Variants in RNF43 observed in about 807,000 individuals in gnomAD.
RNF43 encodes E3 ubiquitin-protein ligase RNF43.
RNF43 carries 37 observed loss-of-function variants against 78.4 expected under a neutral mutation model. That is an observed-to-expected ratio of 0.47 (90% CI 0.36 to 0.62). RNF43 has a LOEUF of 0.62. RNF43 is among the 20% of genes least tolerant of loss of function. The probability of loss-of-function intolerance (pLI) is 0.00; values close to 1 mark genes in which losing one functional copy is unlikely to be tolerated. For missense variants in RNF43, 774 were observed against 1,007.9 expected, an observed-to-expected ratio of 0.77 and a Z score of 3.14; for synonymous variants, 347 against 395.0, an observed-to-expected ratio of 0.88 and a Z score of 1.44.
chr17:58,368,103 G>T (rs1471817564), intron 3 of RNF43, among the ~76,000 whole-genome samples: 1 of 152,228 alleles, frequency 6.6e-6, no homozygotes, highest in Non-Finnish European at 1.5e-5. Flanking sequence ...TGGCTTGAGA[G>T]CCCCAGCTCT....
At chr17:58,410,016 G>A (rs764208483) in intron 2 of RNF43, among the ~76,000 whole-genome samples, 2 of 52,520 alleles carry the variant, frequency 3.8e-5, no homozygotes, top group African/African-American at 7.4e-5. Context: ...CCCCAGCCCC[G>A]CCCCCCACCA....
chr17:58,412,288 T>C, intron 2 of RNF43, among the ~76,000 whole-genome samples: 1 of 152,010 alleles, frequency 6.6e-6, no homozygotes, highest in Non-Finnish European at 1.5e-5. Context: ...AAGAAGCAAC[T>C]CTTGGGGAAA....
intron 2 of RNF43, among the ~76,000 whole-genome samples, chr17:58,411,627 G>A (rs1974025647): frequency 6.6e-6 from 1 of 152,156 alleles, no homozygotes; most frequent in Admixed American, 6.5e-5. Flanking sequence ...TGGAGTCTAA[G>A]AAAATCCAGG....
chr17:58,353,011 T>C (rs1454616346), downstream of RNF43: 2 of 217,724 alleles, frequency 9.2e-6, no homozygotes, highest in Non-Finnish European at 1.8e-5. Flanking sequence ...AGGCCCCTTC[T>C]GGCCCTGGAG....
Position 58,358,576 on chromosome 17 carries a change from T to C in RNF43, c.1200A>G (p.Gly400=), listed in dbSNP as rs1465428468. The change falls in exon 9 of 10, where the codon GGA becomes GGG. Residue 400 remains glycine (G), a synonymous_variant. Coordinates refer to ENST00000407977, the MANE Select transcript of RNF43 (RefSeq NM_017763.6). The surrounding 1 kb of genome is among the most constrained non-coding windows in gnomAD (Gnocchi z 6.2). ...FPRAAHPRAP[G]EQQRLAGAQH... ...GGGCTCCTGCCAGGCGCTGCTGCTC[T>C]CCTGGAGCCCGGGGATGTGCAGCTC... The C allele has an allele frequency of 1.2e-6, 2 of 1,600,518 alleles. No homozygotes were observed. Among genetic ancestry groups the C allele is most frequent in the Admixed American group, 3.4e-5 (2 of 58,604 alleles).
At chr17:58,391,655 T>A (rs1266675504) in intron 2 of RNF43, among the ~76,000 whole-genome samples, 1 of 152,146 alleles carries the variant, frequency 6.6e-6, no homozygotes, top group Admixed American at 6.5e-5. Context: ...TTACAGGCAA[T>A]GTGTATCTTG....
At chr17:58,407,282 G>C (rs1293289883) in intron 2 of RNF43, among the ~76,000 whole-genome samples, 2 of 151,942 alleles carry the variant, frequency 1.3e-5, no homozygotes, top group Non-Finnish European at 2.9e-5. Flanking sequence ...GTTTCACCAT[G>C]TTGGCCAGGC....
intron 3 of RNF43, among the ~76,000 whole-genome samples, chr17:58,370,351 C>T (rs765343955): frequency 1.3e-5 from 2 of 151,888 alleles, no homozygotes; most frequent in East Asian, 1.9e-4. Flanking sequence ...TATAGGCGTG[C>T]GCCACCACGC....
chr17:58,391,734 TCCTTCCAAAGCA>T, intron 2 of RNF43, among the ~76,000 whole-genome samples: 1 of 152,030 alleles, frequency 6.6e-6, no homozygotes, highest in South Asian at 2.1e-4. Context: ...CTGGCTGGAG[TCCTTCCAAAGCA>T]CCTCATAGAG....
chr17:58,396,018 A>G (rs1360834085), intron 2 of RNF43, among the ~76,000 whole-genome samples: 2 of 152,154 alleles, frequency 1.3e-5, no homozygotes, highest in Non-Finnish European at 2.9e-5. Flanking sequence ...GCCTGCAGAA[A>G]ACTGTCTCCA....
chr17:58,380,335 C>G (rs1012965525), intron 2 of RNF43, among the ~76,000 whole-genome samples: 1 of 152,170 alleles, frequency 6.6e-6, no homozygotes, highest in East Asian at 1.9e-4. Flanking sequence ...ATATCTAATT[C>G]CCACAGGCCC....
In RNF43 at chr17:58,374,394, C is replaced by CTT. The variant is rs1266131489; in HGVS notation, c.253-3363_253-3362dup. Among the ~76,000 whole-genome samples the CTT allele has an allele frequency of 4.6e-3, 643 of 139,198 alleles. 9 individuals carry two copies. Among genetic ancestry groups the CTT allele is most frequent in the African/African-American group, 0.014 (535 of 37,744 alleles). 91.3% of individuals were successfully genotyped at this position (139,198 alleles called of 152,430 possible). A position where few individuals can be genotyped will look rare whatever the true frequency, so the allele number is the denominator to read the frequency against. ...TAGACCCTCCTCTCTTTTCACTCTT[C>CTT]TTTTTTTTTTTTTTTTGAGACAGAG... On this transcript the variant is annotated intron_variant, in intron 2 of 9. Coordinates refer to ENST00000407977, the MANE Select transcript of RNF43 (RefSeq NM_017763.6).
intron 2 of RNF43, among the ~76,000 whole-genome samples, chr17:58,375,514 A>T (rs1218384293): frequency 6.6e-6 from 1 of 152,218 alleles, no homozygotes; most frequent in Non-Finnish European, 1.5e-5. Context: ...CCAGATGATG[A>T]CTGAGTCTAG....
At position 58,415,741 on chromosome 17, in the gene RNF43, C is replaced by T. The variant is rs543260902; in HGVS notation, c.-164G>A. 6 of 736,694 alleles carry T rather than the reference C, an allele frequency of 8.1e-6. No individual in the cohort carries two copies. The South Asian group carries it at 1.1e-4, about 14-fold the overall frequency. 45.6% of individuals were successfully genotyped at this position (736,694 alleles called of 1,614,324 possible). ...CCCTTCCTTTCTCTAAAGTTTATTCCCAAAAACAGGTAGCATTCCTGATTG... is the reference window on the plus strand; with the variant it reads ...CCCTTCCTTTCTCTAAAGTTTATTCTCAAAAACAGGTAGCATTCCTGATTG... On this transcript the variant is annotated 5_prime_UTR_variant, in exon 2 of 10. Transcript: ENST00000407977.
At chr17:58,364,051 A>C (rs990349439) in intron 3 of RNF43, among the ~76,000 whole-genome samples, 8 of 152,286 alleles carry the variant, frequency 5.3e-5, no homozygotes, top group African/African-American at 1.9e-4. Context: ...TCTCCTTCAG[A>C]GGGAGCTGGG....
chr17:58,402,170 C>T (rs1973815663), intron 2 of RNF43, among the ~76,000 whole-genome samples: 1 of 152,120 alleles, frequency 6.6e-6, no homozygotes, highest in African/African-American at 2.4e-5. Context: ...ACAAGGACAC[C>T]ACAAGAAGGC....
At position 58,354,340 on chromosome 17, in the gene RNF43, T is replaced by C. The variant is rs773788826; in HGVS notation, c.*603A>G. On this transcript the variant is annotated 3_prime_UTR_variant, in exon 10 of 10. Coordinates refer to ENST00000407977, the MANE Select transcript of RNF43 (RefSeq NM_017763.6). ...ACCTCAGGGACAGAACTCCACACTA[T>C]AGTGGGAAAGCTTCAGGGACCCCTC... 8 of 203,422 alleles carry C rather than the reference T, an allele frequency of 3.9e-5. No homozygotes were observed. The highest frequency in any genetic ancestry group is 7.1e-5 in the Non-Finnish European group (7 of 98,854). 12.6% of individuals were successfully genotyped at this position (203,422 alleles called of 1,614,324 possible).
chr17:58,391,692 C>A (rs749206693), intron 2 of RNF43, among the ~76,000 whole-genome samples: 23 of 152,178 alleles, frequency 1.5e-4, no homozygotes, highest in Non-Finnish European at 3.4e-4. Flanking sequence ...TCTTACCCAC[C>A]CGTCAGATAT....
chr17:58,378,684 G>A (rs1284778327), intron 2 of RNF43, among the ~76,000 whole-genome samples: 1 of 152,202 alleles, frequency 6.6e-6, no homozygotes, highest in African/African-American at 2.4e-5. Context: ...ACTAGCAGGG[G>A]ATGGATGAAG....
Sources: allele counts gnomAD v4.1 joint callset (sites outside exome capture counted in the v4.1 genomes callset), GRCh38; gene constraint gnomAD v4.1.1; non-coding constraint Gnocchi (gnomAD v3.1); transcripts MANE v1.5; gene names NCBI Gene and HGNC (gene_info 2026-07-23, HGNC 2026-07-21).